The following IGF2BP1 variants were observed in gnomAD, a reference collection of about 807,000 sequenced individuals.
The protein encoded by IGF2BP1 is insulin-like growth factor 2 mRNA-binding protein 1.
A neutral mutation model predicts 74.9 loss-of-function variants in IGF2BP1; 11 were observed. That is an observed-to-expected ratio of 0.15 (90% CI 0.09 to 0.24). The LOEUF is 0.24. IGF2BP1 is among the 10% of genes least tolerant of loss of function. IGF2BP1 has a pLI of 1.00. For synonymous variants in IGF2BP1, 287 were observed against 281.8 expected (o/e 1.02, Z -0.18); for missense variants, 440 against 757.4 (o/e 0.58, Z 4.92).
chr17:49,049,563 C>G lies in IGF2BP1; in HGVS notation c.*119C>G, dbSNP rs2042145627. On this transcript the variant is annotated 3_prime_UTR_variant, in exon 15 of 15. Coordinates refer to ENST00000290341, the MANE Select transcript of IGF2BP1 (RefSeq NM_006546.4). ...GGGACACCTGGGCCGGGCTGTAGATCAGGTTTGCCCACTTGATTGAGAAAG... is the reference window on the plus strand; with the variant it reads ...GGGACACCTGGGCCGGGCTGTAGATGAGGTTTGCCCACTTGATTGAGAAAG... 2.6e-6 allele frequency: 2 copies of G among 760,686 alleles called. No homozygotes were observed. Among genetic ancestry groups the G allele is most frequent in the Non-Finnish European group, 4.3e-6 (2 of 461,942 alleles). 47.1% of individuals were successfully genotyped at this position (760,686 alleles called of 1,614,324 possible).
chr17:49,001,071 G>A (rs1329462074), intron 2 of IGF2BP1, among the ~76,000 whole-genome samples: 2 of 152,156 alleles, frequency 1.3e-5, no homozygotes, highest in Non-Finnish European at 2.9e-5. Flanking sequence ...GGTTGGTGGT[G>A]AGAAGGCACT....
intron 2 of IGF2BP1, among the ~76,000 whole-genome samples, chr17:49,016,434 TGG>T (rs2041703924): frequency 6.6e-6 from 1 of 152,132 alleles, no homozygotes; most frequent in East Asian, 1.9e-4. Context: ...TGTGTGTGTG[TGG>T]GATCATATAA....
rs1289411565 is a variant in IGF2BP1 at position 49,053,519 on chromosome 17, T to C, written c.*4075T>C. ...GCACTTTGGGGAAGGAGAGGAAGTT[T>C]GGGGCTCCAGGTAGCTCCCTGTTGT... On this transcript the variant is annotated 3_prime_UTR_variant, in exon 15 of 15. Transcript: ENST00000290341. 1 of 152,956 alleles carries C rather than the reference T, an allele frequency of 6.5e-6. No individual in the cohort carries two copies. Among genetic ancestry groups the C allele is most frequent in the East Asian group, 1.9e-4 (1 of 5,196 alleles). 9.5% of individuals were successfully genotyped at this position (152,956 alleles called of 1,614,324 possible).
At chr17:49,032,537 A>G (rs1165654726) in intron 5 of IGF2BP1, among the ~76,000 whole-genome samples, 1 of 152,206 alleles carries the variant, frequency 6.6e-6, no homozygotes. Flanking sequence ...TGTTACAGAC[A>G]GACTATACAT....
intron 7 of IGF2BP1, among the ~76,000 whole-genome samples, chr17:49,040,357 A>T (rs1053548111): frequency 6.6e-6 from 1 of 152,202 alleles, no homozygotes; most frequent in Non-Finnish European, 1.5e-5. Context: ...CTAGGACAAC[A>T]TGCATGCACC....
chr17:49,005,629 A>C (rs1278122281), intron 2 of IGF2BP1, among the ~76,000 whole-genome samples: 3 of 152,128 alleles, frequency 2.0e-5, no homozygotes, highest in Non-Finnish European at 4.4e-5. Context: ...GGGAAGCTCT[A>C]CATTTTCTCT....
chr17:49,034,526 G>A (rs1408524777), intron 5 of IGF2BP1, among the ~76,000 whole-genome samples: 1 of 151,296 alleles, frequency 6.6e-6, no homozygotes, highest in African/African-American at 2.4e-5. Flanking sequence ...GGTTGCTTGA[G>A]CTCAGTAGTT....
intron 14 of IGF2BP1, among the ~76,000 whole-genome samples, chr17:49,047,325 CTA>C (rs968836801): frequency 6.6e-6 from 1 of 150,430 alleles, no homozygotes; most frequent in Admixed American, 6.6e-5. Flanking sequence ...TACATCTCAA[CTA>C]TATATATATA....
Position 49,055,048 on chromosome 17 carries a change from G to A in IGF2BP1, c.*5604G>A, listed in dbSNP as rs1426551565. The A allele has an allele frequency of 1.4e-5, 2 of 146,400 alleles. No individual in the cohort carries two copies. The highest frequency in any genetic ancestry group is 3.0e-5 in the Non-Finnish European group (2 of 67,128). The allele number at this position is 146,400 out of a possible 1,614,324, so 9.1% of individuals were successfully genotyped here. A position where few individuals can be genotyped will look rare whatever the true frequency, so the allele number is the denominator to read the frequency against. ...CAAAACAATAGATAAATTAGGTAGT[G>A]GCAGCTCCACTTGCTTAGGTTAGGG... On this transcript the variant is annotated 3_prime_UTR_variant, in exon 15 of 15. Coordinates refer to ENST00000290341, the MANE Select transcript of IGF2BP1 (RefSeq NM_006546.4).
Position 49,050,717 on chromosome 17 carries a change from AAAC to A in IGF2BP1, c.*1276_*1278del, listed in dbSNP as rs1433614274. 2.0e-5 allele frequency: 3 copies of A among 152,348 alleles called. No homozygotes were observed. Among genetic ancestry groups the A allele is most frequent in the Admixed American group, 1.3e-4 (2 of 15,290 alleles). 9.4% of individuals were successfully genotyped at this position (152,348 alleles called of 1,614,324 possible). On this transcript the variant is annotated 3_prime_UTR_variant, in exon 15 of 15. Transcript: ENST00000290341. ...CAGCATGATGAAAGGTGTGTCTAAA[AAAC>A]AATTCAGAATACCAGCAGCATTGTA...
intron 2 of IGF2BP1, among the ~76,000 whole-genome samples, chr17:49,018,628 C>G (rs535410766): frequency 6.6e-6 from 1 of 150,966 alleles, no homozygotes; most frequent in Non-Finnish European, 1.5e-5. Context: ...GTGGAATGTT[C>G]TTGCCTTTTA....
At chr17:49,024,766 A>G (rs1471188281) in intron 2 of IGF2BP1, among the ~76,000 whole-genome samples, 1 of 152,248 alleles carries the variant, frequency 6.6e-6, no homozygotes, top group Non-Finnish European at 1.5e-5. Context: ...TGCATATATT[A>G]TCTCACCTAA....
intron 14 of IGF2BP1, among the ~76,000 whole-genome samples, chr17:49,047,398 T>C (rs78096421): frequency 0.029 from 4,365 of 152,256 alleles, 110 homozygotes; most frequent in South Asian, 0.12. Flanking sequence ...GATTTATCGA[T>C]GCCTTTGTAT....
Position 49,033,303 on chromosome 17 carries a change from C to G in IGF2BP1, c.401+1330C>G, listed in dbSNP as rs563749776. ...AGCTGGGACTACAGGTGTACACCAC[C>G]ATGCCCGGCTGGCTAATTTTTTTTT... On this transcript the variant is annotated intron_variant, in intron 5 of 14. Transcript: ENST00000290341. Among the ~76,000 whole-genome samples the G allele has an allele frequency of 9.2e-5, 14 of 152,050 alleles. No homozygotes were observed. The South Asian group carries it at 2.7e-3, about 29-fold the overall frequency.
intron 1 of IGF2BP1, among the ~76,000 whole-genome samples, chr17:48,998,369 C>T (rs917794842): frequency 6.6e-6 from 1 of 152,252 alleles, no homozygotes; most frequent in East Asian, 1.9e-4. Flanking sequence ...AAGGGGTACC[C>T]GGACCGCCTG....
At chr17:49,035,001 C>A (rs1345126519) in intron 5 of IGF2BP1, among the ~76,000 whole-genome samples, 6 of 152,072 alleles carry the variant, frequency 3.9e-5, no homozygotes, top group African/African-American at 1.4e-4. Context: ...ATAAGAAGAA[C>A]AAGGAAGAAT....
intron 5 of IGF2BP1, among the ~76,000 whole-genome samples, chr17:49,032,349 A>G (rs1004633535): frequency 8.5e-5 from 13 of 152,054 alleles, no homozygotes; most frequent in African/African-American, 3.1e-4. Flanking sequence ...CCATCTAGTG[A>G]TAATGAGGGG....
At chr17:49,024,552 T>A (rs1598141780) in intron 2 of IGF2BP1, among the ~76,000 whole-genome samples, 1 of 152,192 alleles carries the variant, frequency 6.6e-6, no homozygotes, top group Non-Finnish European at 1.5e-5. Context: ...TCTATTGTTA[T>A]ACTTCAAGTA....
intron 2 of IGF2BP1, among the ~76,000 whole-genome samples, chr17:49,019,987 C>CAT (rs60471350): frequency 1.5e-4 from 13 of 87,516 alleles, no homozygotes; most frequent in Non-Finnish European, 2.6e-4. Flanking sequence ...TACACCCACA[C>CAT]ATATATATAC....
Sources: allele counts gnomAD v4.1 joint callset (sites outside exome capture counted in the v4.1 genomes callset), GRCh38; gene constraint gnomAD v4.1.1; transcripts MANE v1.5; gene names NCBI Gene and HGNC (gene_info 2026-07-23, HGNC 2026-07-21).